Variants in TEC observed in about 807,000 individuals in gnomAD.
TEC encodes the protein tyrosine-protein kinase Tec.
In TEC, 72 loss-of-function variants were observed where a neutral mutation model predicts 93.0. The ratio of observed to expected loss-of-function variants is 0.77; its 90% CI spans 0.64 to 0.94. The LOEUF is 0.94. TEC is among the 40% of genes least tolerant of loss of function. The pLI is 0.00. For synonymous variants in TEC, 249 were observed against 247.7 expected, an observed-to-expected ratio of 1.01 and a Z score of -0.05; for missense variants, 630 against 757.9, an observed-to-expected ratio of 0.83 and a Z score of 1.98.
chr4:48,170,394 A>G lies in TEC; in HGVS notation c.326-18T>C. The G allele has an allele frequency of 7.8e-7, 1 of 1,290,016 alleles. No homozygotes were observed. The highest frequency in any genetic ancestry group is 2.5e-4 in the Middle Eastern group (1 of 4,062). 79.9% of individuals were successfully genotyped at this position (1,290,016 alleles called of 1,614,324 possible). On this transcript the variant is annotated intron_variant, in intron 4 of 17. Transcript: ENST00000381501. The stretch of plus-strand genomic sequence containing the variant: ...CTTTATTTCTGTAATTCACAGATAT[A>G]GTAATTAATAGTGAAATACAAAAGC...
intron 2 of TEC, among the ~76,000 whole-genome samples, chr4:48,177,866 C>T (rs1467344335): frequency 6.6e-6 from 1 of 152,172 alleles, no homozygotes; most frequent in Non-Finnish European, 1.5e-5. Flanking sequence ...TTACTCATTT[C>T]TGCTCGCTCT....
chr4:48,193,777 G>GGTT (rs1722179974), intron 2 of TEC, among the ~76,000 whole-genome samples: 1 of 147,430 alleles, frequency 6.8e-6, no homozygotes, highest in African/African-American at 2.5e-5. Context: ...ATGTGTTAGG[G>GGTT]TTTTTTTTTT....
chr4:48,205,656 ACACT>A (rs138851077), intron 2 of TEC, among the ~76,000 whole-genome samples: 37,601 of 151,968 alleles, frequency 0.25, 5,368 homozygotes, highest in Admixed American at 0.33. Context: ...ATACCACTTC[ACACT>A]CACTAGGACA....
intron 2 of TEC, among the ~76,000 whole-genome samples, chr4:48,196,796 GA>G (rs1722315488): frequency 6.6e-6 from 1 of 152,168 alleles, no homozygotes; most frequent in South Asian, 2.1e-4. Flanking sequence ...TTTTCAAACA[GA>G]AAAAGAAATT....
chr4:48,235,788 T>A (rs1723767408), intron 1 of TEC, among the ~76,000 whole-genome samples: 1 of 152,192 alleles, frequency 6.6e-6, no homozygotes, highest in African/African-American at 2.4e-5. Flanking sequence ...TATTAAGCTT[T>A]TACTACTTGG....
At chr4:48,180,046 T>C (rs1031627073) in intron 2 of TEC, among the ~76,000 whole-genome samples, 1 of 152,140 alleles carries the variant, frequency 6.6e-6, no homozygotes, top group Non-Finnish European at 1.5e-5. Context: ...GATAAATAGA[T>C]ATAAGAAAAT....
chr4:48,151,780 C>T (rs1720179771), intron 9 of TEC, among the ~76,000 whole-genome samples: 1 of 152,198 alleles, frequency 6.6e-6, no homozygotes, highest in Non-Finnish European at 1.5e-5. Flanking sequence ...AGCCAACACA[C>T]CCAGCCAAAT....
intron 1 of TEC, among the ~76,000 whole-genome samples, chr4:48,240,150 G>C (rs1259826328): frequency 2.0e-5 from 3 of 152,070 alleles, no homozygotes; most frequent in African/African-American, 7.2e-5. Context: ...TTCATGAGTT[G>C]ATAACTATTG....
At chr4:48,212,763 C>T (rs577649405) in intron 2 of TEC, among the ~76,000 whole-genome samples, 26 of 152,258 alleles carry the variant, frequency 1.7e-4, no homozygotes, top group African/African-American at 4.1e-4. Flanking sequence ...AAGGTAAGAA[C>T]GCCAGGTCTC....
At chr4:48,206,566 C>T (rs1560408470) in intron 2 of TEC, among the ~76,000 whole-genome samples, 1 of 151,986 alleles carries the variant, frequency 6.6e-6, no homozygotes, top group African/African-American at 2.4e-5. Context: ...CATTTTCATT[C>T]GTGATAAGAG....
intron 1 of TEC, among the ~76,000 whole-genome samples, chr4:48,236,495 G>A (rs1659367076): frequency 1.3e-5 from 2 of 152,248 alleles, no homozygotes; most frequent in Middle Eastern, 6.8e-3. Context: ...TGTTAGCCAG[G>A]ATGGTCTCGA....
At chr4:48,199,178 G>A (rs1722405143) in intron 2 of TEC, among the ~76,000 whole-genome samples, 1 of 152,164 alleles carries the variant, frequency 6.6e-6, no homozygotes, top group African/African-American at 2.4e-5. Context: ...AAAGCCCACA[G>A]CATGTCCTCT....
chr4:48,159,651 C>T (rs985332912), intron 8 of TEC, among the ~76,000 whole-genome samples: 7 of 150,868 alleles, frequency 4.6e-5, no homozygotes, highest in East Asian at 2.0e-4. Flanking sequence ...TGGGTTCAAG[C>T]GATTCTCCTG....
intron 3 of TEC, among the ~76,000 whole-genome samples, chr4:48,175,690 A>T (rs1721295795): frequency 6.6e-6 from 1 of 152,196 alleles, no homozygotes; most frequent in Admixed American, 6.5e-5. Flanking sequence ...GAATAATGAG[A>T]TATTTACCTC....
intron 2 of TEC, among the ~76,000 whole-genome samples, chr4:48,179,549 C>T (rs1424734062): frequency 6.6e-6 from 1 of 151,068 alleles, no homozygotes; most frequent in East Asian, 2.0e-4. Context: ...CCACCACGCC[C>T]AGCTAAATTT....
chr4:48,178,707 A>G (rs1284142486), intron 2 of TEC, among the ~76,000 whole-genome samples: 1 of 152,158 alleles, frequency 6.6e-6, no homozygotes, highest in Non-Finnish European at 1.5e-5. Context: ...AGGGAGAAGG[A>G]AGGACATCCT....
At chr4:48,257,533 C>G (rs1442276881) in intron 1 of TEC, among the ~76,000 whole-genome samples, 2 of 152,162 alleles carry the variant, frequency 1.3e-5, no homozygotes, top group African/African-American at 2.4e-5. Context: ...TTACCACTTA[C>G]CAAGTGTTAC....
intron 1 of TEC, among the ~76,000 whole-genome samples, chr4:48,240,612 T>G (rs1331527751): frequency 1.3e-5 from 2 of 152,144 alleles, no homozygotes. Context: ...AACTCCTCTC[T>G]TCCCTCTATG....
rs939265929 is a variant in TEC at position 48,233,334 on chromosome 4, T to C, written c.-45-4675A>G. On this transcript the variant is annotated intron_variant, in intron 1 of 17. Transcript: ENST00000381501. ...CCACTACCATGCATGAAGCTTCCAA[T>C]TGACACTTTTTTTTTTTTTTTTTTT... 2.3e-4 allele frequency among the ~76,000 whole-genome samples: 34 copies of C among 146,128 alleles called. No individual in the cohort carries two copies. In the South Asian group the frequency reaches 4.6e-3, roughly 20 times the overall value.
Sources: gnomAD v4.1 joint callset for allele counts (sites outside exome capture counted in the v4.1 genomes callset) on GRCh38, gnomAD v4.1.1 for gene constraint, MANE v1.5 for transcripts, NCBI Gene and HGNC (gene_info 2026-07-23, HGNC 2026-07-21) for gene names.